The following GPC6 variants were observed in gnomAD, a reference collection of about 807,000 sequenced individuals.
GPC6 encodes glypican 6.
A neutral mutation model predicts 55.2 loss-of-function variants in GPC6; 14 were observed. That is an observed-to-expected ratio of 0.25 (90% CI 0.17 to 0.40). The LOEUF (loss-of-function observed/expected upper bound fraction) is 0.40. GPC6 is among the 10% of genes least tolerant of loss of function. The probability of loss-of-function intolerance (pLI) is 1.00; values close to 1 mark genes in which losing one functional copy is unlikely to be tolerated. For synonymous variants in GPC6, 278 were observed against 259.6 expected (o/e 1.07, Z -0.68); for missense variants, 641 against 708.5 (o/e 0.90, Z 1.08).
chr13:93,262,933 A>G (rs1877199988), intron 1 of GPC6, among the ~76,000 whole-genome samples: 1 of 152,200 alleles, frequency 6.6e-6, no homozygotes, highest in Admixed American at 6.5e-5. Flanking sequence ...ACACTTAAGA[A>G]AAGGGAGTGG....
At chr13:93,366,671 A>G (rs1009538108) in intron 1 of GPC6, among the ~76,000 whole-genome samples, 16 of 152,022 alleles carry the variant, frequency 1.1e-4, no homozygotes, top group African/African-American at 3.4e-4. Flanking sequence ...AACTCATTCA[A>G]ATTGAGCAGA....
intron 4 of GPC6, among the ~76,000 whole-genome samples, chr13:94,077,722 G>A (rs1884965210): frequency 1.3e-5 from 2 of 151,714 alleles, no homozygotes; most frequent in African/African-American, 4.8e-5. Context: ...CATTTATGGA[G>A]ATGATAATAT....
chr13:93,553,726 T>C (rs190290164), intron 2 of GPC6, among the ~76,000 whole-genome samples: 1 of 135,236 alleles, frequency 7.4e-6, no homozygotes, highest in Non-Finnish European at 1.6e-5. Flanking sequence ...AGGAGAGGAA[T>C]GAGATGGGCA....
At chr13:94,099,469 C>T (rs563979105) in intron 4 of GPC6, among the ~76,000 whole-genome samples, 3 of 152,172 alleles carry the variant, frequency 2.0e-5, no homozygotes, top group South Asian at 4.1e-4. Flanking sequence ...ATAGGAGACT[C>T]TATTTGCAAA....
chr13:93,395,388 C>G (rs1048681935), intron 1 of GPC6: 2 of 335,216 alleles, frequency 6.0e-6, no homozygotes, highest in Non-Finnish European at 1.1e-5. Context: ...ACAATCTTAT[C>G]CACAGAATCA....
At chr13:93,872,011 A>C (rs887321475) in intron 3 of GPC6, among the ~76,000 whole-genome samples, 12 of 152,102 alleles carry the variant, frequency 7.9e-5, no homozygotes, top group African/African-American at 2.6e-4. Flanking sequence ...TTTCAGACTG[A>C]TTGCTAATTT....
chr13:94,346,183 C>T (rs538958818), intron 6 of GPC6, among the ~76,000 whole-genome samples: 7 of 152,286 alleles, frequency 4.6e-5, no homozygotes, highest in South Asian at 2.1e-4. Context: ...TCTGCAAAGA[C>T]GTTATTTCTC....
At chr13:93,771,686 A>G (rs1885301905) in intron 2 of GPC6, among the ~76,000 whole-genome samples, 2 of 151,922 alleles carry the variant, frequency 1.3e-5, no homozygotes, top group South Asian at 4.2e-4. Flanking sequence ...ACTAACCTGC[A>G]CAATGTGCAC....
chr13:93,313,646 C>T (rs1196165321), intron 1 of GPC6, among the ~76,000 whole-genome samples: 3 of 151,988 alleles, frequency 2.0e-5, no homozygotes, highest in East Asian at 1.9e-4. Flanking sequence ...CATATATAAG[C>T]AAGCATGTAA....
intron 1 of GPC6, among the ~76,000 whole-genome samples, chr13:93,382,641 C>G (rs1875228123): frequency 6.6e-6 from 1 of 152,078 alleles, no homozygotes; most frequent in Non-Finnish European, 1.5e-5. Context: ...GTCAAATAAT[C>G]TTATAAAGAC....
intron 1 of GPC6, among the ~76,000 whole-genome samples, chr13:93,387,221 A>G (rs1030811921): frequency 6.6e-6 from 1 of 150,920 alleles, no homozygotes; most frequent in East Asian, 2.0e-4. Context: ...GGTTTGTTAC[A>G]TAGGTATACA....
chr13:93,333,505 C>T (rs1379083736), intron 1 of GPC6, among the ~76,000 whole-genome samples: 1 of 145,200 alleles, frequency 6.9e-6, no homozygotes, highest in Non-Finnish European at 1.5e-5. Context: ...AGATTGTTTG[C>T]TGTTGGCATA....
At chr13:93,808,248 T>C (rs1886595500) in intron 2 of GPC6, among the ~76,000 whole-genome samples, 1 of 152,228 alleles carries the variant, frequency 6.6e-6, no homozygotes, top group South Asian at 2.1e-4. Flanking sequence ...AATTAGAACA[T>C]TTTCATCCTA....
intron 3 of GPC6, among the ~76,000 whole-genome samples, chr13:93,964,620 A>C (rs1879937899): frequency 6.6e-6 from 1 of 152,208 alleles, no homozygotes; most frequent in Non-Finnish European, 1.5e-5. Flanking sequence ...GTTTTTAAGA[A>C]GTGGGTAGTG....
chr13:94,358,559 GAT>G (rs1566716207), intron 6 of GPC6, among the ~76,000 whole-genome samples: 1 of 152,180 alleles, frequency 6.6e-6, no homozygotes, highest in Non-Finnish European at 1.5e-5. Flanking sequence ...GCCCTGGAGA[GAT>G]CACACTGTCT....
intron 1 of GPC6, among the ~76,000 whole-genome samples, chr13:93,283,616 A>T (rs183436304): frequency 2.6e-5 from 4 of 152,362 alleles, no homozygotes; most frequent in Admixed American, 1.3e-4. Context: ...CAAAAGGGAC[A>T]GGTACACAGT....
intron 2 of GPC6, among the ~76,000 whole-genome samples, chr13:93,667,902 G>A (rs1881210800): frequency 6.6e-6 from 1 of 152,064 alleles, no homozygotes; most frequent in South Asian, 2.1e-4. Context: ...GTATAAAATT[G>A]TAGCTTTTTT....
chr13:93,687,491 G>T (rs2138775196), intron 2 of GPC6, among the ~76,000 whole-genome samples: 1 of 152,164 alleles, frequency 6.6e-6, no homozygotes. Context: ...GCTGATATTT[G>T]GTGTGCTATA....
At chr13:93,638,501 A>C (rs1879786735) in intron 2 of GPC6, among the ~76,000 whole-genome samples, 1 of 152,146 alleles carries the variant, frequency 6.6e-6, no homozygotes, top group Non-Finnish European at 1.5e-5. Context: ...AAAAACTATT[A>C]CAATGTTTGT....
Sources: allele counts gnomAD v4.1 joint callset (sites outside exome capture counted in the v4.1 genomes callset), GRCh38; gene constraint gnomAD v4.1.1; transcripts MANE v1.5; gene names NCBI Gene and HGNC (gene_info 2026-07-23, HGNC 2026-07-21).